PRRC2C: variants seen among roughly 807,000 people sequenced by gnomAD.
PRRC2C encodes protein PRRC2C.
Under a neutral mutation model 317.2 loss-of-function variants are expected in PRRC2C, and 72 were observed. That is an observed-to-expected ratio of 0.23 (90% confidence interval 0.19 to 0.28). The LOEUF (loss-of-function observed/expected upper bound fraction) is 0.28. Among genes scored for constraint, PRRC2C ranks in the 10% least tolerant of loss-of-function variants. PRRC2C has a pLI of 1.00. For missense variants in PRRC2C, 3,074 were observed against 3,459.7 expected (o/e 0.89, Z 2.80); for synonymous variants, 1,296 against 1,205.9 (o/e 1.07, Z -1.55).
At position 171,517,776 on chromosome 1, in the gene PRRC2C, G is replaced by A. The variant is rs1374777003; in HGVS notation, c.712G>A (p.Ala238Thr). The A allele has an allele frequency of 1.9e-6, 3 of 1,613,598 alleles. No homozygotes were observed. The highest frequency in any genetic ancestry group is 1.1e-5 in the South Asian group (1 of 91,062). ...GGCTAAACTGAATGGACAGCAGGCT[G>A]CTCTCGCTTCCCAGTATAGAGCTAT... is the stretch of plus-strand genomic sequence containing the variant. ...PQAKLNGQQA[A>T]LASQYRAMMP... Residue 238 changes from alanine to threonine, a missense_variant, in exon 6 of 35, where the codon GCT becomes ACT. Ala to Thr is a moderately conservative substitution (Grantham distance 58). Coordinates refer to ENST00000647382, the MANE Select transcript of PRRC2C (RefSeq NM_001387844.1).
At chr1:171,528,800 A>G (rs1248659321) in intron 11 of PRRC2C, among the ~76,000 whole-genome samples, 1 of 151,190 alleles carries the variant, frequency 6.6e-6, no homozygotes, top group Non-Finnish European at 1.5e-5. Context: ...TGATTTCTCT[A>G]TCCTTCTTTT....
chr1:171,588,126 C>T (rs1650478208), intron 32 of PRRC2C, among the ~76,000 whole-genome samples: 1 of 152,074 alleles, frequency 6.6e-6, no homozygotes, highest in Non-Finnish European at 1.5e-5. Context: ...ACACGTGCCA[C>T]CACACCTGGC....
intron 18 of PRRC2C, among the ~76,000 whole-genome samples, chr1:171,552,362 G>A (rs576168128): frequency 1.1e-4 from 17 of 152,270 alleles, no homozygotes; most frequent in Admixed American, 6.5e-4. Context: ...GAGATTTTGG[G>A]CTGAGACGAT....
chr1:171,558,379 G>GC (rs552135213), intron 19 of PRRC2C, among the ~76,000 whole-genome samples: 4,935 of 16,352 alleles, frequency 0.3, 269 homozygotes, highest in African/African-American at 0.39. Context: ...GGCAATGTTT[G>GC]GGGGGGTCTT....
At chr1:171,581,164 C>A (rs138391946) in intron 28 of PRRC2C, among the ~76,000 whole-genome samples, 1 of 152,112 alleles carries the variant, frequency 6.6e-6, no homozygotes, top group Non-Finnish European at 1.5e-5. Context: ...CATTTAATTT[C>A]GTTATTTTCT....
intron 30 of PRRC2C, among the ~76,000 whole-genome samples, chr1:171,585,413 A>T (rs1463497599): frequency 1.3e-5 from 2 of 148,456 alleles, no homozygotes; most frequent in South Asian, 2.2e-4. Context: ...TAATTTCATT[A>T]GCTTATTCTT....
Position 171,584,467 on chromosome 1 carries a change from C to A in PRRC2C, c.7690C>A (p.Gln2564Lys). ...QASNLYSGQV[Q>K]QPGQTNFYNT... ...CTCAAATCTTTATTCTGGACAAGTA[C>A]AACAGCCTGGTCAGACAAATTTTTA... is the stretch of plus-strand genomic sequence containing the variant. The change falls in exon 30 of 35, where the codon CAA becomes AAA. Residue 2564 changes from glutamine to lysine, a missense_variant. By Grantham distance (53) the Gln-to-Lys change is moderately conservative (BLOSUM62 1). This residue lies in a region of PRRC2C where 490 missense variants were observed against 663.1 expected (regional missense o/e 0.74). Coordinates refer to ENST00000647382, the MANE Select transcript of PRRC2C (RefSeq NM_001387844.1). 6.3e-7 allele frequency: 1 copy of A among 1,594,458 alleles called. No individual in the cohort carries two copies. Among genetic ancestry groups the A allele is most frequent in the Non-Finnish European group, 8.5e-7 (1 of 1,169,664 alleles).
intron 20 of PRRC2C, 77 bp downstream of exon 20, chr1:171,561,180 C>A: frequency 7.4e-7 from 1 of 1,347,100 alleles, no homozygotes; most frequent in South Asian, 1.2e-5. Context: ...TGGTGGCTTA[C>A]ACCTGTAATC....
intron 12 of PRRC2C, among the ~76,000 whole-genome samples, chr1:171,534,465 AT>A (rs11332424): frequency 0.52 from 79,011 of 151,538 alleles, 20,641 homozygotes; most frequent in East Asian, 0.6. Flanking sequence ...TACCCATGTG[AT>A]TTTTTTTTCC....
intron 23 of PRRC2C, among the ~76,000 whole-genome samples, chr1:171,569,296 T>C (rs527659766): frequency 1.3e-5 from 2 of 152,012 alleles, no homozygotes; most frequent in South Asian, 4.2e-4. Flanking sequence ...TTTTGAGTTA[T>C]AAAAATCTTT....
At chr1:171,529,118 G>A (rs570670720) in intron 11 of PRRC2C, among the ~76,000 whole-genome samples, 1 of 152,188 alleles carries the variant, frequency 6.6e-6, no homozygotes, top group East Asian at 1.9e-4. Context: ...TTATCTACTT[G>A]CATCTGAGAC....
intron 15 of PRRC2C, among the ~76,000 whole-genome samples, chr1:171,537,813 G>A (rs756594034): frequency 1.8e-4 from 28 of 151,950 alleles, no homozygotes; most frequent in African/African-American, 5.8e-4. Flanking sequence ...TCAAGTGATC[G>A]GCTTACCTCA....
At chr1:171,536,785 C>T (rs1219008012) in intron 14 of PRRC2C, among the ~76,000 whole-genome samples, 1 of 152,128 alleles carries the variant, frequency 6.6e-6, no homozygotes, top group Admixed American at 6.6e-5. Context: ...AAGCTGATCA[C>T]AAATCATGTT....
intron 19 of PRRC2C, among the ~76,000 whole-genome samples, chr1:171,560,074 C>T (rs972438760): frequency 6.6e-5 from 10 of 152,322 alleles, no homozygotes; most frequent in Middle Eastern, 6.8e-3. Context: ...GCTGCAACCT[C>T]CATACACAGT....
chr1:171,573,673 C>CTTTTTTTTTTT (rs1024285954), intron 24 of PRRC2C, among the ~76,000 whole-genome samples: 8 of 85,812 alleles, frequency 9.3e-5, no homozygotes, highest in Non-Finnish European at 1.2e-4. Flanking sequence ...TCTCAAAATT[C>CTTTTTTTTTTT]TTTTTTTTTT....
intron 16 of PRRC2C, among the ~76,000 whole-genome samples, chr1:171,543,777 G>GA (rs1678476938): frequency 6.6e-6 from 1 of 152,170 alleles, no homozygotes; most frequent in African/African-American, 2.4e-5. Context: ...ATAAAGAAAA[G>GA]AAATGTATTT....
At chr1:171,571,565 C>T in intron 24 of PRRC2C, 144 bp downstream of exon 24, 1 of 641,678 alleles carries the variant, frequency 1.6e-6, no homozygotes, top group Admixed American at 2.6e-5. Context: ...TCAAATTATA[C>T]CTTACAGTTT....
At chr1:171,569,824 T>A (rs973372934) in intron 23 of PRRC2C, among the ~76,000 whole-genome samples, 5 of 151,530 alleles carry the variant, frequency 3.3e-5, no homozygotes, top group Admixed American at 3.3e-4. Context: ...ATATGATGCT[T>A]TTTGCGAAAC....
At chr1:171,497,171 C>CAT (rs1359610570) in intron 1 of PRRC2C, among the ~76,000 whole-genome samples, 1 of 152,124 alleles carries the variant, frequency 6.6e-6, no homozygotes, top group Non-Finnish European at 1.5e-5. Context: ...TATTGTAATG[C>CAT]AGTATGTTTG....
Sources: gnomAD v4.1 joint callset for allele counts (sites outside exome capture counted in the v4.1 genomes callset) on GRCh38, gnomAD v4.1.1 for gene constraint, gnomAD v4.1.1 regional missense constraint, MANE v1.5 for transcripts, NCBI Gene and HGNC (gene_info 2026-07-23, HGNC 2026-07-21) for gene names.